Variants in NPAS3 observed in about 807,000 individuals in gnomAD.
The protein encoded by NPAS3 is neuronal PAS domain protein 3, also known as neuronal PAS domain-containing protein 3.
In NPAS3, 14 loss-of-function variants were observed where a neutral mutation model predicts 73.1. The ratio of observed to expected loss-of-function variants is 0.19; its 90% CI spans 0.13 to 0.30. The LOEUF is 0.30. NPAS3 is among the 10% of genes least tolerant of loss of function. The pLI is 1.00. For missense variants in NPAS3, 1,096 were observed against 1,250.0 expected (o/e 0.88, Z 1.86); for synonymous variants, 620 against 541.5 (o/e 1.14, Z -2.01).
chr14:33,122,074 C>T (rs1225420964), intron 2 of NPAS3, among the ~76,000 whole-genome samples: 2 of 152,154 alleles, frequency 1.3e-5, no homozygotes, highest in Non-Finnish European at 2.9e-5. Flanking sequence ...GATTTTTCTT[C>T]AACTGCAAAT....
At chr14:33,308,531 TACAC>T (rs550021518) in intron 3 of NPAS3, among the ~76,000 whole-genome samples, 8 of 116,012 alleles carry the variant, frequency 6.9e-5, no homozygotes, top group East Asian at 2.7e-4. Flanking sequence ...TATATATACA[TACAC>T]ACACACACAC....
chr14:33,550,864 G>T (rs2139693573), intron 4 of NPAS3, among the ~76,000 whole-genome samples: 1 of 152,284 alleles, frequency 6.6e-6, no homozygotes, highest in African/African-American at 2.4e-5. Flanking sequence ...TTTCAGTATT[G>T]TAAAGTGAAG....
At chr14:33,612,046 TG>T (rs1164876913) in intron 5 of NPAS3, among the ~76,000 whole-genome samples, 1 of 152,166 alleles carries the variant, frequency 6.6e-6, no homozygotes, top group African/African-American at 2.4e-5. Context: ...GCAGGGCTAC[TG>T]GGATCTGCCC....
chr14:33,026,989 A>G (rs578240191), intron 1 of NPAS3, among the ~76,000 whole-genome samples: 24 of 152,264 alleles, frequency 1.6e-4, no homozygotes, highest in Non-Finnish European at 2.2e-4. Flanking sequence ...AGGATCTGCC[A>G]GCTCAGGGAA....
At chr14:33,726,265 T>C (rs571868992) in intron 6 of NPAS3, among the ~76,000 whole-genome samples, 9 of 152,318 alleles carry the variant, frequency 5.9e-5, no homozygotes, top group East Asian at 1.9e-4. Context: ...TCTGAGAGCA[T>C]TGGACACTCT....
intron 5 of NPAS3, among the ~76,000 whole-genome samples, chr14:33,645,471 T>TA (rs1465814787): frequency 1.3e-5 from 2 of 152,236 alleles, no homozygotes; most frequent in Non-Finnish European, 2.9e-5. Context: ...ATAAGAATGA[T>TA]AGAGTTACTG....
At chr14:33,728,689 A>G (rs1441314304) in intron 6 of NPAS3, among the ~76,000 whole-genome samples, 1 of 152,222 alleles carries the variant, frequency 6.6e-6, no homozygotes, top group Non-Finnish European at 1.5e-5. Flanking sequence ...GCCCTGGCAC[A>G]TGGTAGAAGA....
intron 2 of NPAS3, among the ~76,000 whole-genome samples, chr14:33,132,444 C>A (rs2043674928): frequency 6.6e-6 from 1 of 152,078 alleles, no homozygotes; most frequent in African/African-American, 2.4e-5. Context: ...ACCATACATA[C>A]CTGTTCACTT....
intron 2 of NPAS3, among the ~76,000 whole-genome samples, chr14:33,100,047 G>A (rs2042537353): frequency 6.6e-6 from 1 of 152,124 alleles, no homozygotes; most frequent in African/African-American, 2.4e-5. Flanking sequence ...ATATTTCAAG[G>A]CAACTATATG....
intron 2 of NPAS3, among the ~76,000 whole-genome samples, chr14:33,058,988 G>A (rs911343789): frequency 1.3e-5 from 2 of 152,206 alleles, no homozygotes; most frequent in African/African-American, 4.8e-5. Flanking sequence ...TCAGGGATGT[G>A]CTAGAGCCAA....
chr14:33,015,998 T>C (rs965583738), intron 1 of NPAS3, among the ~76,000 whole-genome samples: 10 of 152,160 alleles, frequency 6.6e-5, no homozygotes, highest in Non-Finnish European at 1.2e-4. Context: ...ATGTTTTAAT[T>C]GTTGGGATTG....
At chr14:33,376,543 T>TA (rs2046320420) in intron 4 of NPAS3, among the ~76,000 whole-genome samples, 2 of 152,076 alleles carry the variant, frequency 1.3e-5, no homozygotes, top group South Asian at 4.1e-4. Flanking sequence ...ACCTGGTAAA[T>TA]AAAAAAATGA....
intron 6 of NPAS3, among the ~76,000 whole-genome samples, chr14:33,681,362 A>C (rs554566688): frequency 1.3e-5 from 2 of 152,300 alleles, no homozygotes; most frequent in Non-Finnish European, 2.9e-5. Context: ...GGCAAGGGAA[A>C]CCATCTTACT....
At chr14:33,553,380 T>A (rs2055211215) in intron 4 of NPAS3, among the ~76,000 whole-genome samples, 1 of 152,196 alleles carries the variant, frequency 6.6e-6, no homozygotes, top group South Asian at 2.1e-4. Flanking sequence ...CTGCCTCTCT[T>A]TTAAGGACTG....
chr14:33,686,364 A>C (rs538687296), intron 6 of NPAS3, among the ~76,000 whole-genome samples: 2 of 152,304 alleles, frequency 1.3e-5, no homozygotes, highest in South Asian at 4.1e-4. Context: ...CTAAGTTCTG[A>C]GTATGACTCA....
intron 7 of NPAS3, among the ~76,000 whole-genome samples, chr14:33,762,704 A>G (rs2062333359): frequency 6.6e-6 from 1 of 152,190 alleles, no homozygotes; most frequent in Non-Finnish European, 1.5e-5. Context: ...TTGGAAAGGA[A>G]ACTGCTAGAA....
At chr14:33,024,697 A>G (rs546993355) in intron 1 of NPAS3, among the ~76,000 whole-genome samples, 1 of 152,356 alleles carries the variant, frequency 6.6e-6, no homozygotes, top group South Asian at 2.1e-4. Context: ...ATATATCAAT[A>G]CACACACCTA....
At chr14:33,252,635 T>C (rs570765333) in intron 3 of NPAS3, among the ~76,000 whole-genome samples, 5 of 144,056 alleles carry the variant, frequency 3.5e-5, no homozygotes, top group South Asian at 4.5e-4. Flanking sequence ...TGAAAATAGT[T>C]ATCTATTTTT....
chr14:33,797,318 C>A, intron 10 of NPAS3, 139 bp from the exon 11 acceptor site: 2 of 916,536 alleles, frequency 2.2e-6, no homozygotes, highest in Non-Finnish European at 3.3e-6. Context: ...CCATGAAGAG[C>A]TGAGAAATGA....
Sources: allele counts gnomAD v4.1 joint callset (sites outside exome capture counted in the v4.1 genomes callset), GRCh38; gene constraint gnomAD v4.1.1; transcripts MANE v1.5; gene names NCBI Gene and HGNC (gene_info 2026-07-23, HGNC 2026-07-21).